Variants in WWOX observed in about 807,000 individuals in gnomAD.
WWOX encodes the protein WW domain containing oxidoreductase, also known as WW domain-containing oxidoreductase.
WWOX carries 69 observed loss-of-function variants against 46.2 expected under a neutral mutation model. That is an observed-to-expected ratio of 1.49 (90% CI 1.23 to 1.82). The LOEUF (loss-of-function observed/expected upper bound fraction) is 1.82, where lower values mean the gene tolerates loss of function less well. Among genes scored for constraint, WWOX ranks in the 40% most tolerant of loss-of-function variants. The pLI, the probability that WWOX is intolerant of heterozygous loss-of-function variation, is 0.00. For synonymous variants in WWOX, 359 were observed against 202.6 expected, an observed-to-expected ratio of 1.77 and a Z score of -6.56; for missense variants, 919 against 542.6, an observed-to-expected ratio of 1.69 and a Z score of -6.89.
At chr16:78,409,106 G>T (rs1245080977) in intron 6 of WWOX, among the ~76,000 whole-genome samples, 1 of 152,072 alleles carries the variant, frequency 6.6e-6, no homozygotes, top group Non-Finnish European at 1.5e-5. Context: ...AGTCCCACTG[G>T]GTGTAGATTA....
chr16:78,559,985 G>T (rs2044395671), intron 8 of WWOX, among the ~76,000 whole-genome samples: 1 of 152,152 alleles, frequency 6.6e-6, no homozygotes, highest in South Asian at 2.1e-4. Context: ...AAGGTCTCTG[G>T]AGTTTGCTGT....
At chr16:78,352,999 A>T (rs184561142) in intron 5 of WWOX, among the ~76,000 whole-genome samples, 2 of 152,340 alleles carry the variant, frequency 1.3e-5, no homozygotes, top group East Asian at 3.9e-4. Context: ...AGTCTTAGAA[A>T]TTAACTGGAA....
chr16:78,934,848 G>A (rs535409585), intron 8 of WWOX, among the ~76,000 whole-genome samples: 5 of 152,162 alleles, frequency 3.3e-5, no homozygotes, highest in Admixed American at 6.5e-5. Flanking sequence ...ATCTATAATC[G>A]CAGCACTTTG....
chr16:78,656,967 G>C (rs929836978), intron 8 of WWOX, among the ~76,000 whole-genome samples: 4 of 152,180 alleles, frequency 2.6e-5, no homozygotes, highest in African/African-American at 9.7e-5. Flanking sequence ...TCAGATTCTG[G>C]AGTGTTAGGG....
At chr16:79,124,520 G>C (rs1478461332) in intron 8 of WWOX, among the ~76,000 whole-genome samples, 2 of 152,228 alleles carry the variant, frequency 1.3e-5, no homozygotes, top group African/African-American at 2.4e-5. Context: ...TTAGGACTGA[G>C]TTCATTCTTG....
intron 8 of WWOX, among the ~76,000 whole-genome samples, chr16:78,806,151 C>G (rs1051817244): frequency 1.3e-5 from 2 of 152,164 alleles, no homozygotes; most frequent in Non-Finnish European, 2.9e-5. Context: ...AAATGTTTCA[C>G]TTAATTCCCT....
chr16:79,114,003 A>G (rs1001820431), intron 8 of WWOX, among the ~76,000 whole-genome samples: 9 of 152,310 alleles, frequency 5.9e-5, no homozygotes, highest in African/African-American at 1.9e-4. Flanking sequence ...CGCATGGCAC[A>G]TGATCCTGTT....
At chr16:78,629,076 A>G (rs1345546747) in intron 8 of WWOX, among the ~76,000 whole-genome samples, 1 of 152,192 alleles carries the variant, frequency 6.6e-6, no homozygotes, top group African/African-American at 2.4e-5. Flanking sequence ...GTGCTTACAT[A>G]TTTCAAAATG....
intron 4 of WWOX, among the ~76,000 whole-genome samples, chr16:78,148,034 G>A (rs1597267868): frequency 6.6e-6 from 1 of 151,972 alleles, no homozygotes; most frequent in South Asian, 2.1e-4. Context: ...AAAGAGTAAC[G>A]GAGGCCTCAA....
At chr16:78,617,131 G>A (rs1438466458) in intron 8 of WWOX, among the ~76,000 whole-genome samples, 1 of 152,108 alleles carries the variant, frequency 6.6e-6, no homozygotes, top group Non-Finnish European at 1.5e-5. Flanking sequence ...AAGGTGATAG[G>A]CCTGTTGTGG....
chr16:78,369,642 T>G (rs1398981320), intron 5 of WWOX, among the ~76,000 whole-genome samples: 1 of 151,832 alleles, frequency 6.6e-6, no homozygotes, highest in Non-Finnish European at 1.5e-5. Flanking sequence ...TTACATACTG[T>G]TATCCATCCT....
At chr16:78,593,672 G>A (rs568692828) in intron 8 of WWOX, among the ~76,000 whole-genome samples, 3 of 152,052 alleles carry the variant, frequency 2.0e-5, no homozygotes, top group Admixed American at 6.5e-5. Context: ...TGGTGATCCT[G>A]CTGCTTGGCA....
intron 8 of WWOX, among the ~76,000 whole-genome samples, chr16:78,448,125 G>A (rs1193020492): frequency 6.6e-6 from 1 of 152,114 alleles, no homozygotes; most frequent in Non-Finnish European, 1.5e-5. Context: ...ATTAATAGAA[G>A]TTCTGGGACA....
rs535580484 is a variant in WWOX, at chr16:79,063,034, G to A, written c.1057-148574G>A. On this transcript the variant is annotated intron_variant, in intron 8 of 8. Transcript: ENST00000566780. ...GCAGGTACCCTGCTTGTTGAATGCA[G>A]CAAAGAAGAGGGAGGTTGATAAACC... Among the ~76,000 whole-genome samples the A allele has an allele frequency of 9.8e-5, 15 of 152,300 alleles. No individual in the cohort carries two copies. The South Asian group carries it at 2.1e-3, about 21-fold the overall frequency.
At chr16:78,404,845 G>C (rs1351770979) in intron 6 of WWOX, among the ~76,000 whole-genome samples, 1 of 152,178 alleles carries the variant, frequency 6.6e-6, no homozygotes, top group Non-Finnish European at 1.5e-5. Flanking sequence ...GGGCAGTAAA[G>C]TGCTGAATGC....
chr16:78,583,113 T>G (rs1039779545), intron 8 of WWOX, among the ~76,000 whole-genome samples: 4 of 152,196 alleles, frequency 2.6e-5, no homozygotes, highest in African/African-American at 9.7e-5. Context: ...AAGTGAATCT[T>G]TTGTTTTCGA....
At chr16:78,333,136 C>T (rs1051998331) in intron 5 of WWOX, among the ~76,000 whole-genome samples, 6 of 141,512 alleles carry the variant, frequency 4.2e-5, no homozygotes, top group Non-Finnish European at 6.1e-5. Flanking sequence ...CTGCAACCTT[C>T]GCCTCCCAGG....
intron 8 of WWOX, among the ~76,000 whole-genome samples, chr16:78,824,501 G>C (rs180985951): frequency 1.5e-3 from 225 of 152,314 alleles, no homozygotes; most frequent in African/African-American, 5.2e-3. Context: ...GCCTGTATTA[G>C]TTTGTTTTTC....
chr16:78,403,752 TGTAAGA>T (rs992396703), intron 6 of WWOX, among the ~76,000 whole-genome samples: 3 of 152,222 alleles, frequency 2.0e-5, no homozygotes, highest in African/African-American at 7.2e-5. Flanking sequence ...AGTTTTCAGT[TGTAAGA>T]GTAAATGTGT....
Sources: allele counts gnomAD v4.1 joint callset (sites outside exome capture counted in the v4.1 genomes callset), GRCh38; gene constraint gnomAD v4.1.1; transcripts MANE v1.5; gene names NCBI Gene and HGNC (gene_info 2026-07-23, HGNC 2026-07-21).